The following COL5A1 variants were observed in gnomAD, a reference collection of about 807,000 sequenced individuals.
The protein encoded by COL5A1 is collagen alpha-1(V) chain.
In COL5A1, 16 loss-of-function variants were observed where a neutral mutation model predicts 263.7. The ratio of observed to expected loss-of-function variants is 0.06; its 90% CI spans 0.04 to 0.09. The LOEUF (loss-of-function observed/expected upper bound fraction) is 0.09. Ranked by LOEUF, COL5A1 falls within the 10% of genes least tolerant of loss-of-function variation. COL5A1 has a pLI of 1.00. For synonymous variants in COL5A1, 1,012 were observed against 1,004.5 expected, an observed-to-expected ratio of 1.01 and a Z score of -0.14; for missense variants, 2,036 against 2,540.5, an observed-to-expected ratio of 0.80 and a Z score of 4.27.
intron 11 of COL5A1, among the ~76,000 whole-genome samples, chr9:134,747,246 G>A (rs117927978): frequency 1.4e-3 from 208 of 152,278 alleles, no homozygotes; most frequent in Non-Finnish European, 2.1e-3. Context: ...GGTGAGAAGC[G>A]GCATCAGAGG....
chr9:134,738,329 C>A, intron 9 of COL5A1, 145 bp from the exon 10 acceptor site: 1 of 827,544 alleles, frequency 1.2e-6, no homozygotes, highest in Admixed American at 2.3e-5. Context: ...GCCCCCTTTG[C>A]AGTCTGTGCT....
At chr9:134,810,950 G>A (rs527978309) in intron 44 of COL5A1, among the ~76,000 whole-genome samples, 64 of 152,298 alleles carry the variant, frequency 4.2e-4, no homozygotes, top group African/African-American at 1.4e-3. Context: ...CCATGCGGGA[G>A]GTCTCTTGAG....
intron 4 of COL5A1, among the ~76,000 whole-genome samples, chr9:134,718,171 T>A (rs1834337450): frequency 6.6e-6 from 1 of 152,146 alleles, no homozygotes; most frequent in Non-Finnish European, 1.5e-5. Flanking sequence ...GCAGAACTGA[T>A]TCTCTCAGCA....
At chr9:134,828,282 G>T (rs964674386) in intron 63 of COL5A1, among the ~76,000 whole-genome samples, 13 of 152,142 alleles carry the variant, frequency 8.5e-5, no homozygotes, top group Non-Finnish European at 1.5e-4. Flanking sequence ...CTGCAGCCTC[G>T]GCCTCTGTGG....
chr9:134,654,683 G>GC, intron 1 of COL5A1, among the ~76,000 whole-genome samples: 1 of 135,004 alleles, frequency 7.4e-6, no homozygotes, highest in African/African-American at 2.9e-5. Context: ...TAGGTGTGTA[G>GC]AGCTGGTGTG....
intron 13 of COL5A1, 83 bp from the exon 14 acceptor site, chr9:134,752,506 G>A (rs773198107): frequency 9.5e-7 from 1 of 1,053,130 alleles, no homozygotes; most frequent in Middle Eastern, 2.1e-4. Flanking sequence ...GTTCCCTCCT[G>A]CCACATCTCA....
chr9:134,815,150 G>A (rs1405338343), intron 50 of COL5A1, among the ~76,000 whole-genome samples: 2 of 152,254 alleles, frequency 1.3e-5, no homozygotes, highest in Admixed American at 6.5e-5. Context: ...CCAGGCGGCC[G>A]GCTGAGATGC....
At position 134,802,922 on chromosome 9, in the gene COL5A1, G is replaced by C; in HGVS notation, c.3041G>C (p.Arg1014Pro). 1 of 1,612,336 alleles carries C rather than the reference G, an allele frequency of 6.2e-7. No individual in the cohort carries two copies. The highest frequency in any genetic ancestry group is 8.5e-7 in the Non-Finnish European group (1 of 1,179,690). Residue 1014 changes from arginine to proline, a missense_variant, in exon 39 of 66, where the codon CGT (arginine) becomes CCT (proline). By Grantham distance (103) the Arg-to-Pro change is moderately radical. Transcript: ENST00000371817. ...GGAGAAACGGGCCCAATGGGTGAGC[G>C]TGGCCACCCTGGGCCCCCTGGACCC... ...PTGETGPMGE[R>P]GHPGPPGPPG...
At chr9:134,766,965 G>GC in intron 22 of COL5A1, 35 bp from the exon 23 acceptor site, 1 of 1,598,608 alleles carries the variant, frequency 6.3e-7, no homozygotes, top group Non-Finnish European at 8.6e-7. Flanking sequence ...AGTTCCCAGA[G>GC]CCCCCTTCAG....
intron 64 of COL5A1, among the ~76,000 whole-genome samples, chr9:134,833,801 T>C (rs1349360648): frequency 6.6e-6 from 1 of 152,252 alleles, no homozygotes; most frequent in East Asian, 1.9e-4. Context: ...ACCCAGCAGA[T>C]GGTCGTTTGT....
At chr9:134,654,859 TGG>T (rs2132483177) in intron 1 of COL5A1, among the ~76,000 whole-genome samples, 1 of 120,966 alleles carries the variant, frequency 8.3e-6, no homozygotes, top group African/African-American at 3.2e-5. Flanking sequence ...TGTGTAGGGC[TGG>T]AAGTGTCTAG....
At chr9:134,829,951 C>G (rs774102911) in intron 63 of COL5A1, 25 bp from the exon 64 acceptor site, 1 of 1,608,626 alleles carries the variant, frequency 6.2e-7, no homozygotes, top group Non-Finnish European at 8.5e-7. Context: ...TTCTCTCCCT[C>G]CCCACCTCCC....
chr9:134,768,420 G>A lies in COL5A1; in HGVS notation c.2243G>A (p.Gly748Glu), dbSNP rs535300905. The A allele has an allele frequency of 6.2e-7, 1 of 1,614,056 alleles. No homozygotes were observed. Among genetic ancestry groups the A allele is most frequent in the Admixed American group, 1.7e-5 (1 of 60,018 alleles). ...TCTGGTTTGTTCTAGGGTCCCTTGG[G>A]GAAACCAGGCCTTCCAGGAATGCCC... ...IGPPGEKGPL[G>E]KPGLPGMPGA... The change falls in exon 25 of 66, where the codon GGG (glycine) becomes GAG (glutamate). Residue 748 changes from glycine to glutamate, a missense_variant. Around this residue, in one of 3 missense-constraint regions of COL5A1, gnomAD observed 1,078 missense variants for 1,521.4 expected, o/e 0.71. Transcript: ENST00000371817.
intron 1 of COL5A1, among the ~76,000 whole-genome samples, chr9:134,654,554 T>C (rs1466996955): frequency 3.2e-4 from 34 of 106,722 alleles, no homozygotes; most frequent in East Asian, 1.6e-3. Context: ...TGGGTGTGTG[T>C]AGGGCTGGGT....
intron 9 of COL5A1, among the ~76,000 whole-genome samples, chr9:134,737,074 G>T (rs1216816228): frequency 6.6e-6 from 1 of 152,204 alleles, no homozygotes; most frequent in African/African-American, 2.4e-5. Context: ...TACAGTCCTG[G>T]GGTCTCAATG....
Position 134,678,775 on chromosome 9 carries a change from G to A in COL5A1, c.110-12137G>A, listed in dbSNP as rs961832173. On this transcript the variant is annotated intron_variant, in intron 1 of 65. Transcript: ENST00000371817. The surrounding 1 kb of genome is among the most constrained non-coding windows in gnomAD (Gnocchi z 5.5). ...CCCTCGCTGGAGGAACGGGTGGGCC[G>A]GGCCCTGGGTGAAGGGGCTGGAGCT... Among the ~76,000 whole-genome samples the A allele has an allele frequency of 2.6e-5, 4 of 152,318 alleles. No homozygotes were observed. The highest frequency in any genetic ancestry group is 4.1e-4 in the South Asian group (2 of 4,824).
chr9:134,796,994 G>A, intron 36 of COL5A1, 93 bp downstream of exon 36: 1 of 1,274,064 alleles, frequency 7.8e-7, no homozygotes, highest in Non-Finnish European at 1.1e-6. Context: ...TCTGAGGTCT[G>A]CTCGGAGCTC....
At position 134,755,734 on chromosome 9, in the gene COL5A1, C is replaced by T. The variant is rs7032440; in HGVS notation, c.1828-1031C>T. Among the ~76,000 whole-genome samples the T allele has an allele frequency of 0.23, 34,539 of 151,964 alleles. 4,048 individuals carry two copies. Among genetic ancestry groups the T allele is most frequent in the East Asian group, 0.34 (1,757 of 5,138 alleles). ...GGGCCCCTCCATTTGCCCAACAGGG[C>T]GATGTCTTTTTGGGGAGCAACGGGA... On this transcript the variant is annotated intron_variant, in intron 16 of 65. Transcript: ENST00000371817. The surrounding 1 kb of genome is among the most constrained non-coding windows in gnomAD (Gnocchi z 4.1).
At chr9:134,820,986 G>T (rs1423095843) in intron 58 of COL5A1, among the ~76,000 whole-genome samples, 1 of 152,182 alleles carries the variant, frequency 6.6e-6, no homozygotes, top group Non-Finnish European at 1.5e-5. Flanking sequence ...GCCCCTGGAG[G>T]CTGGGAGTAA....
Sources: allele counts gnomAD v4.1 joint callset (sites outside exome capture counted in the v4.1 genomes callset), GRCh38; gene constraint gnomAD v4.1.1; regional missense constraint gnomAD v4.1.1; non-coding constraint Gnocchi (gnomAD v3.1); transcripts MANE v1.5; gene names NCBI Gene and HGNC (gene_info 2026-07-23, HGNC 2026-07-21).